The following THAP2 variants were observed in gnomAD, a reference collection of about 807,000 sequenced individuals.
THAP2 encodes the protein THAP domain-containing protein 2.
Under a neutral mutation model 18.8 loss-of-function variants are expected in THAP2, and 16 were observed. The observed-to-expected ratio is 0.85, with a 90% CI of 0.58 to 1.29. THAP2 has a LOEUF of 1.29. Ranked by LOEUF, THAP2 falls within the 50% of genes most tolerant of loss-of-function variation. THAP2 has a pLI of 0.00. For synonymous variants in THAP2, 80 were observed against 89.2 expected, an observed-to-expected ratio of 0.90 and a Z score of 0.58; for missense variants, 251 against 265.3, an observed-to-expected ratio of 0.95 and a Z score of 0.38.
At chr12:71,665,034 G>T (rs1230119871) in intron 1 of THAP2, 12 of 698,440 alleles carry the variant, frequency 1.7e-5, no homozygotes, top group Admixed American at 8.1e-5. Context: ...TTCTGCGGAG[G>T]AATTGAGTCA....
Position 71,679,017 on chromosome 12 carries a change from A to T in THAP2, c.*1909A>T, listed in dbSNP as rs1198162329. The stretch of plus-strand genomic sequence containing the variant: ...GACCATATCTATTTTATAACTCAAA[A>T]TAAGTTGGACAAATAATCATTTTAA... On this transcript the variant is annotated 3_prime_UTR_variant, in exon 3 of 3. Coordinates refer to ENST00000308086, the MANE Select transcript of THAP2 (RefSeq NM_031435.4). 6.6e-6 allele frequency: 1 copy of T among 152,164 alleles called. No individual in the cohort carries two copies. Among genetic ancestry groups the T allele is most frequent in the Non-Finnish European group, 1.5e-5 (1 of 67,998 alleles). 9.4% of individuals were successfully genotyped at this position (152,164 alleles called of 1,614,324 possible). A position where few individuals can be genotyped will look rare whatever the true frequency, so the allele number is the denominator to read the frequency against.
In THAP2 at chr12:71,677,092, A is replaced by G; in HGVS notation, c.671A>G (p.Lys224Arg). ...TLLSLNLKQT[K>R]STFI Reference sequence around the variant, plus strand: ...CTAAGTCTAAATCTAAAACAGACCAAGAGTACCTTCATTTAAATTTAGCTT... The same window carrying G: ...CTAAGTCTAAATCTAAAACAGACCAGGAGTACCTTCATTTAAATTTAGCTT... Residue 224 changes from lysine (K) to arginine (R), a missense_variant, in exon 3 of 3, where the codon AAG becomes AGG. Lys to Arg is a conservative substitution (Grantham distance 26). Transcript: ENST00000308086. 6.3e-7 allele frequency: 1 copy of G among 1,586,512 alleles called. No individual in the cohort carries two copies. Among genetic ancestry groups the G allele is most frequent in the Non-Finnish European group, 8.6e-7 (1 of 1,165,744 alleles).
Position 71,672,733 on chromosome 12 carries a change from C to A in THAP2, c.72-1470C>A, listed in dbSNP as rs529068209. ...CTATGTGGCATATATATATATATAT[C>A]TCAAGCAATTCAACTTTTTCTTGTA... is the stretch of plus-strand genomic sequence containing the variant. On this transcript the variant is annotated intron_variant, in intron 1 of 2. Transcript: ENST00000308086. Among the ~76,000 whole-genome samples the A allele has an allele frequency of 7.3e-5, 11 of 151,290 alleles. No individual in the cohort carries two copies. The South Asian group carries it at 2.3e-3, about 31-fold the overall frequency.
chr12:71,670,494 C>G lies in THAP2; in HGVS notation c.72-3709C>G, dbSNP rs575055933. On this transcript the variant is annotated intron_variant, in intron 1 of 2. Coordinates refer to ENST00000308086, the MANE Select transcript of THAP2 (RefSeq NM_031435.4). The stretch of plus-strand genomic sequence containing the variant: ...GGGGTGCAGAAGCTCCCTCACCACA[C>G]AGTTGAAAATCGGAGTATGACTTTT... Among the ~76,000 whole-genome samples, 7 of 152,260 alleles carry G rather than the reference C, an allele frequency of 4.6e-5. No individual in the cohort carries two copies. In the South Asian group the frequency reaches 1.5e-3, roughly 32 times the overall value.
chr12:71,668,482 A>T (rs1881380387), intron 1 of THAP2, among the ~76,000 whole-genome samples: 1 of 152,096 alleles, frequency 6.6e-6, no homozygotes, highest in Non-Finnish European at 1.5e-5. Context: ...AAGGAGACCT[A>T]AAAAGGTTAA....
At chr12:71,674,618 A>G (rs1881494453) in intron 2 of THAP2, among the ~76,000 whole-genome samples, 1 of 152,130 alleles carries the variant, frequency 6.6e-6, no homozygotes, top group African/African-American at 2.4e-5. Flanking sequence ...GGAATTTTAC[A>G]TTATTACCCA....
chr12:71,664,709 T>A, intron 1 of THAP2, 129 bp downstream of exon 1: 1 of 1,023,528 alleles, frequency 9.8e-7, no homozygotes, highest in South Asian at 1.3e-5. Context: ...AAGCATCGTA[T>A]GTCCTTTGTG....
chr12:71,664,477 G>T lies in THAP2; in HGVS notation c.-33G>T, dbSNP rs376372305. On this transcript the variant is annotated 5_prime_UTR_variant, in exon 1 of 3. Coordinates refer to ENST00000308086, the MANE Select transcript of THAP2 (RefSeq NM_031435.4). ...GCTTAGCAGCCAGCGCCTCAGTAGA[G>T]ACCTAAGGGCGCTGAATGAGTGGGA... 2 of 1,613,498 alleles carry T rather than the reference G, an allele frequency of 1.2e-6. No homozygotes were observed. The highest frequency in any genetic ancestry group is 1.7e-6 in the Non-Finnish European group (2 of 1,179,614).
At chr12:71,673,811 T>C (rs150487904) in intron 1 of THAP2, among the ~76,000 whole-genome samples, 89 of 152,270 alleles carry the variant, frequency 5.8e-4, no homozygotes, top group African/African-American at 2.0e-3. Context: ...AAATTTAATC[T>C]TTAGATATCT....
chr12:71,665,560 A>G (rs780504334), intron 1 of THAP2: 2 of 152,264 alleles, frequency 1.3e-5, no homozygotes, highest in Non-Finnish European at 2.9e-5. Flanking sequence ...AGAAAGTTCT[A>G]ACCCTCCTGG....
At chr12:71,673,315 G>T (rs1881472463) in intron 1 of THAP2, among the ~76,000 whole-genome samples, 1 of 151,636 alleles carries the variant, frequency 6.6e-6, no homozygotes, top group Admixed American at 6.6e-5. Context: ...AGGCTACATG[G>T]TTTGTCTGCA....
At chr12:71,666,317 C>G (rs1227696821) in intron 1 of THAP2, among the ~76,000 whole-genome samples, 1 of 152,024 alleles carries the variant, frequency 6.6e-6, no homozygotes, top group Non-Finnish European at 1.5e-5. Flanking sequence ...TGAGACCAGC[C>G]TAGGCAACAT....
rs1881282407 is a variant in THAP2 at position 71,664,326 on chromosome 12, G to T, written c.-184G>T. 2 of 637,500 alleles carry T rather than the reference G, an allele frequency of 3.1e-6. No individual in the cohort carries two copies. The highest frequency in any genetic ancestry group is 5.4e-6 in the Non-Finnish European group (2 of 367,724). 39.5% of individuals were successfully genotyped at this position (637,500 alleles called of 1,614,324 possible). ...AGTCGGCCATATTAATAAAGAGAAA[G>T]GGAAGGCTGACCGTCCTTCGCCTCC... On this transcript the variant is annotated 5_prime_UTR_variant, in exon 1 of 3. The change creates a new upstream start codon in the 5' untranslated region. Transcript: ENST00000308086.
rs762615611 is a variant in THAP2, at chr12:71,674,364, C to A, written c.233C>A (p.Thr78Asn). The change falls in exon 2 of 3, where the codon ACC becomes AAC. Residue 78 changes from threonine (T) to asparagine (N), a missense_variant. Transcript: ENST00000308086. ...TRRLKMDAVPTIFDFCTHIKS... is the reference protein window; with the variant it reads ...TRRLKMDAVPNIFDFCTHIKS... The stretch of plus-strand genomic sequence containing the variant: ...CGACTTAAAATGGATGCTGTTCCAA[C>A]CATTTTTGATTTTTGTACCCATATA... 1.2e-6 allele frequency: 2 copies of A among 1,610,362 alleles called. No homozygotes were observed. The highest frequency in any genetic ancestry group is 1.7e-6 in the Non-Finnish European group (2 of 1,177,784).
chr12:71,676,422 A>G (rs1881520498), intron 2 of THAP2, among the ~76,000 whole-genome samples: 1 of 152,064 alleles, frequency 6.6e-6, no homozygotes, highest in South Asian at 2.1e-4. Context: ...ATTTGGAAGA[A>G]ACCTTGGACG....
intron 1 of THAP2, chr12:71,665,153 T>C (rs754106121): frequency 1.6e-4 from 87 of 548,084 alleles, no homozygotes; most frequent in Admixed American, 3.0e-4. Flanking sequence ...TTTTGTTTGC[T>C]GGAAGAAAAA....
rs541895837 is a variant in THAP2, at chr12:71,679,189, T to C, written c.*2081T>C. ...TTTAAAAATCATAAAAATAAAATAT[T>C]GTAAAATACAACAAATTTTGGACAA... On this transcript the variant is annotated 3_prime_UTR_variant, in exon 3 of 3. Transcript: ENST00000308086. 1.2e-4 allele frequency: 19 copies of C among 152,278 alleles called. No individual in the cohort carries two copies. Among genetic ancestry groups the C allele is most frequent in the African/African-American group, 3.8e-4 (16 of 41,586 alleles). 9.4% of individuals were successfully genotyped at this position (152,278 alleles called of 1,614,324 possible). A position where few individuals can be genotyped will look rare whatever the true frequency, so the allele number is the denominator to read the frequency against.
At chr12:71,674,081 A>G in intron 1 of THAP2, 122 bp from the exon 2 acceptor site, 1 of 942,160 alleles carries the variant, frequency 1.1e-6, no homozygotes, top group Non-Finnish European at 1.5e-6. Flanking sequence ...GGATATTGTT[A>G]GTTTAAAATT....
chr12:71,668,557 A>C (rs188060682), intron 1 of THAP2, among the ~76,000 whole-genome samples: 19 of 152,306 alleles, frequency 1.2e-4, no homozygotes, highest in African/African-American at 4.6e-4. Flanking sequence ...TTGAGTCCAG[A>C]GACAGTGGCC....
Sources: gnomAD v4.1 joint callset for allele counts (sites outside exome capture counted in the v4.1 genomes callset) on GRCh38, gnomAD v4.1.1 for gene constraint, MANE v1.5 for transcripts, NCBI Gene and HGNC (gene_info 2026-07-23, HGNC 2026-07-21) for gene names.